The following PKNOX2 variants were observed in gnomAD, a reference collection of about 807,000 sequenced individuals.
The protein encoded by PKNOX2 is PBX/knotted 1 homeobox 2, also known as homeobox protein PKNOX2.
In PKNOX2, 14 loss-of-function variants were observed where a neutral mutation model predicts 53.1. That is an observed-to-expected ratio of 0.26 (90% CI 0.17 to 0.41). The LOEUF is 0.41. PKNOX2 is among the 10% of genes least tolerant of loss of function. PKNOX2 has a pLI of 1.00. For synonymous variants in PKNOX2, 257 were observed against 242.8 expected, an observed-to-expected ratio of 1.06 and a Z score of -0.54; for missense variants, 496 against 602.8, an observed-to-expected ratio of 0.82 and a Z score of 1.85.
chr11:125,284,984 T>G (rs1946805939), intron 2 of PKNOX2, among the ~76,000 whole-genome samples: 1 of 152,096 alleles, frequency 6.6e-6, no homozygotes, highest in Non-Finnish European at 1.5e-5. Flanking sequence ...GAGGCTTTGT[T>G]CTACCTTGAG....
chr11:125,338,038 G>T (rs1388598509), intron 3 of PKNOX2, among the ~76,000 whole-genome samples: 1 of 152,178 alleles, frequency 6.6e-6, no homozygotes, highest in Non-Finnish European at 1.5e-5. Flanking sequence ...AAAGGCTGAG[G>T]CTGGGTTTCA....
chr11:125,323,910 T>A (rs1276105263), intron 2 of PKNOX2, among the ~76,000 whole-genome samples: 1 of 148,294 alleles, frequency 6.7e-6, no homozygotes, highest in East Asian at 2.0e-4. Context: ...TGTAGATCAA[T>A]GTGTGTTTCT....
chr11:125,165,127 T>C lies in PKNOX2; in HGVS notation c.-201+351T>C, dbSNP rs1222678067. ...GAGCCCCGCGGGCCGCCCGCTCCCC[T>C]GCCCGGCCAGCGCTCAGCCCCGCCG... On this transcript the variant is annotated intron_variant, in intron 1 of 12. Transcript: ENST00000298282. The surrounding 1 kb of genome is among the most constrained non-coding windows in gnomAD (Gnocchi z 4.5). Among the ~76,000 whole-genome samples, 1 of 146,734 alleles carries C rather than the reference T, an allele frequency of 6.8e-6. No homozygotes were observed. Among genetic ancestry groups the C allele is most frequent in the Admixed American group, 6.8e-5 (1 of 14,762 alleles).
rs546213785 is a variant in PKNOX2, at chr11:125,370,744, G to A, written c.227+2759G>A. Among the ~76,000 whole-genome samples, 1 of 152,248 alleles carries A rather than the reference G, an allele frequency of 6.6e-6. No homozygotes were observed. Among genetic ancestry groups the A allele is most frequent in the Non-Finnish European group, 1.5e-5 (1 of 68,048 alleles). ...CAGCCATTGCCCCGGGATGACCAGGGAGGGAGCTCAGCCTCCTGTAGGGTC... is the reference window on the plus strand; with the variant it reads ...CAGCCATTGCCCCGGGATGACCAGGAAGGGAGCTCAGCCTCCTGTAGGGTC... On this transcript the variant is annotated intron_variant, in intron 5 of 12. Transcript: ENST00000298282. This position sits in a 1 kb window ranked among gnomAD's most constrained non-coding sequence, Gnocchi z 4.1.
Position 125,174,875 on chromosome 11 carries a change from C to T in PKNOX2, c.-201+10099C>T, listed in dbSNP as rs76574995. ...CTCTCCCACTCTGCCCCCCACCCAC[C>T]GGCTCTGGGAGGAGACAACTGGTTT... On this transcript the variant is annotated intron_variant, in intron 1 of 12. Coordinates refer to ENST00000298282, the MANE Select transcript of PKNOX2 (RefSeq NM_001382323.2). Among the ~76,000 whole-genome samples the T allele has an allele frequency of 9.5e-3, 1,449 of 152,166 alleles. 14 individuals carry two copies. Among genetic ancestry groups the T allele is most frequent in the African/African-American group, 0.033 (1,359 of 41,506 alleles).
At chr11:125,251,187 C>T (rs974501013) in intron 2 of PKNOX2, among the ~76,000 whole-genome samples, 1 of 152,220 alleles carries the variant, frequency 6.6e-6, no homozygotes, top group African/African-American at 2.4e-5. Flanking sequence ...TGCTAAGGTT[C>T]AGTTCTAATT....
At chr11:125,181,896 A>G (rs1332396467) in intron 1 of PKNOX2, among the ~76,000 whole-genome samples, 1 of 152,118 alleles carries the variant, frequency 6.6e-6, no homozygotes, top group African/African-American at 2.4e-5. Flanking sequence ...TCAGTTACAG[A>G]TGACTTCCTT....
rs372619148 is a variant in PKNOX2, at chr11:125,331,372, C to T, written c.-129-447C>T. 2.4e-4 allele frequency among the ~76,000 whole-genome samples: 35 copies of T among 146,616 alleles called. No homozygotes were observed. The East Asian group carries it at 5.7e-3, about 24-fold the overall frequency. ...CCTCAGTGTCTCTCCAGACCCCAGT[C>T]GAAGCCCACTGTCATTTGGATCTGC... is the stretch of plus-strand genomic sequence containing the variant. On this transcript the variant is annotated intron_variant, in intron 2 of 12. Transcript: ENST00000298282.
chr11:125,321,638 TG>T (rs1949520109), intron 2 of PKNOX2, among the ~76,000 whole-genome samples: 1 of 152,148 alleles, frequency 6.6e-6, no homozygotes. Context: ...GTCATCACAG[TG>T]GGAAACAGCC....
intron 5 of PKNOX2, among the ~76,000 whole-genome samples, chr11:125,384,700 A>T (rs2135374105): frequency 6.6e-6 from 1 of 152,166 alleles, no homozygotes; most frequent in East Asian, 1.9e-4. Flanking sequence ...AAACAAAAAG[A>T]TCCATAGAGC....
At chr11:125,363,394 AAG>A (rs1565507071) in intron 4 of PKNOX2, among the ~76,000 whole-genome samples, 1 of 152,200 alleles carries the variant, frequency 6.6e-6, no homozygotes, top group African/African-American at 2.4e-5. Flanking sequence ...TAGGAATCCA[AAG>A]AGATCAGGAA....
chr11:125,192,737 C>G (rs1298223453), intron 1 of PKNOX2, among the ~76,000 whole-genome samples: 1 of 152,182 alleles, frequency 6.6e-6, no homozygotes, highest in Non-Finnish European at 1.5e-5. Flanking sequence ...CTGCCTTGTT[C>G]CCCAAGTCTC....
intron 7 of PKNOX2, among the ~76,000 whole-genome samples, chr11:125,399,438 G>C (rs1954604400): frequency 6.6e-6 from 1 of 152,188 alleles, no homozygotes; most frequent in African/African-American, 2.4e-5. Context: ...GGGTTACCAT[G>C]GTGACGCTGC....
intron 1 of PKNOX2, among the ~76,000 whole-genome samples, chr11:125,185,834 T>A (rs1442977171): frequency 2.0e-5 from 3 of 152,246 alleles, no homozygotes; most frequent in Admixed American, 6.5e-5. Context: ...ATACTTACAT[T>A]GATATGCAAG....
intron 2 of PKNOX2, among the ~76,000 whole-genome samples, chr11:125,282,100 G>A (rs916130730): frequency 5.9e-5 from 9 of 152,198 alleles, no homozygotes; most frequent in African/African-American, 2.2e-4. Flanking sequence ...GGGTGCCACT[G>A]CTCAGCTTGT....
chr11:125,275,070 T>G (rs1488670898), intron 2 of PKNOX2, among the ~76,000 whole-genome samples: 1 of 152,208 alleles, frequency 6.6e-6, no homozygotes, highest in Non-Finnish European at 1.5e-5. Context: ...CATCAAGGAT[T>G]TCATATTCTA....
intron 3 of PKNOX2, among the ~76,000 whole-genome samples, chr11:125,344,400 C>G (rs528122118): frequency 6.6e-6 from 1 of 152,286 alleles, no homozygotes; most frequent in Non-Finnish European, 1.5e-5. Flanking sequence ...GGAAGGGTCT[C>G]TGGGTTTTCT....
At chr11:125,408,883 GT>G (rs1413352474) in intron 7 of PKNOX2, among the ~76,000 whole-genome samples, 1 of 152,172 alleles carries the variant, frequency 6.6e-6, no homozygotes, top group African/African-American at 2.4e-5. Context: ...GCTTCTTCAA[GT>G]CCTAAAACAA....
intron 2 of PKNOX2, among the ~76,000 whole-genome samples, chr11:125,295,545 G>C (rs1304652198): frequency 6.6e-6 from 1 of 152,220 alleles, no homozygotes; most frequent in Non-Finnish European, 1.5e-5. Context: ...GGATTCCTGT[G>C]GTTGAAGGAT....
Sources: allele counts gnomAD v4.1 joint callset (sites outside exome capture counted in the v4.1 genomes callset), GRCh38; gene constraint gnomAD v4.1.1; non-coding constraint Gnocchi (gnomAD v3.1); transcripts MANE v1.5; gene names NCBI Gene and HGNC (gene_info 2026-07-23, HGNC 2026-07-21).